Variants in TENM3 observed in about 807,000 individuals in gnomAD.
TENM3 encodes the protein teneurin transmembrane protein 3.
Under a neutral mutation model 255.1 loss-of-function variants are expected in TENM3, and 63 were observed. The observed-to-expected ratio is 0.25, with a 90% CI of 0.20 to 0.30. The LOEUF is 0.30. Among genes scored for constraint, TENM3 ranks in the 10% least tolerant of loss-of-function variants. The probability of loss-of-function intolerance (pLI) is 1.00; values close to 1 mark genes in which losing one functional copy is unlikely to be tolerated. For missense variants in TENM3, 2,929 were observed against 3,461.1 expected (o/e 0.85, Z 3.86); for synonymous variants, 1,306 against 1,322.3 (o/e 0.99, Z 0.27).
chr4:182,066,401 T>TAAATA, the TENM3 span, among the ~76,000 whole-genome samples: 1 of 152,060 alleles, frequency 6.6e-6, no homozygotes. Flanking sequence ...GATAATGATG[T>TAAATA]CAATAACAAC....
At chr4:181,939,503 C>T in the TENM3 span, among the ~76,000 whole-genome samples, 46 of 152,314 alleles carry the variant, frequency 3.0e-4, no homozygotes, top group Admixed American at 1.0e-3. Flanking sequence ...TACAGTCAGG[C>T]GTGCCTGTGA....
chr4:182,585,597 C>T (rs1225721312), intron 3 of TENM3, among the ~76,000 whole-genome samples: 1 of 152,160 alleles, frequency 6.6e-6, no homozygotes, highest in Non-Finnish European at 1.5e-5. Context: ...ACCAACCGAC[C>T]CTGCCAGACC....
intron 3 of TENM3, among the ~76,000 whole-genome samples, chr4:182,551,572 G>A (rs533460701): frequency 2.6e-4 from 39 of 151,930 alleles, no homozygotes; most frequent in African/African-American, 7.2e-4. Flanking sequence ...AATAATATAG[G>A]AATAAAATTA....
intron 3 of TENM3, among the ~76,000 whole-genome samples, chr4:182,524,840 C>A (rs138169009): frequency 4.4e-4 from 54 of 122,706 alleles, no homozygotes; most frequent in African/African-American, 5.2e-4. Flanking sequence ...TCTGTCTCTA[C>A]AAAAAAAAAA....
At chr4:182,024,711 T>A in the TENM3 span, among the ~76,000 whole-genome samples, 1 of 152,164 alleles carries the variant, frequency 6.6e-6, no homozygotes, top group African/African-American at 2.4e-5. Flanking sequence ...TTATACTCGT[T>A]ATTTTAAAAT....
the TENM3 span, among the ~76,000 whole-genome samples, chr4:181,580,970 T>C: frequency 6.6e-6 from 1 of 152,208 alleles, no homozygotes; most frequent in African/African-American, 2.4e-5. Context: ...AGGAGCCAAG[T>C]TGCCTTGTAT....
chr4:181,524,274 T>C, the TENM3 span, among the ~76,000 whole-genome samples: 1 of 152,228 alleles, frequency 6.6e-6, no homozygotes. Flanking sequence ...TAGAAAATAC[T>C]ACGTCAAATA....
intron 22 of TENM3, among the ~76,000 whole-genome samples, chr4:182,768,136 C>T (rs1358357379): frequency 6.6e-6 from 1 of 152,196 alleles, no homozygotes; most frequent in Non-Finnish European, 1.5e-5. Flanking sequence ...AGCCCACCTC[C>T]AGAGTTAGAA....
intron 1 of TENM3, among the ~76,000 whole-genome samples, chr4:182,193,338 T>C (rs1337407485): frequency 6.6e-6 from 1 of 152,220 alleles, no homozygotes; most frequent in East Asian, 1.9e-4. Flanking sequence ...TCTAGTAAAT[T>C]AAAGCTCGGA....
At chr4:181,459,813 C>T in the TENM3 span, among the ~76,000 whole-genome samples, 3 of 151,870 alleles carry the variant, frequency 2.0e-5, no homozygotes, top group East Asian at 1.9e-4. Context: ...CTTTGCATTG[C>T]TATATAAGTT....
Position 182,419,786 on chromosome 4 carries a change from C to T in TENM3, c.511+72857C>T, listed in dbSNP as rs991665746. 7.3e-5 allele frequency among the ~76,000 whole-genome samples: 11 copies of T among 151,026 alleles called. 1 individual carries two copies. Among genetic ancestry groups the T allele is most frequent in the African/African-American group, 2.4e-4 (10 of 41,000 alleles). ...ATCGCAAGGACAGAAAACCAAACACCGCATGTTCTCACTCATAGGTGGGAA... is the reference window on the plus strand; with the variant it reads ...ATCGCAAGGACAGAAAACCAAACACTGCATGTTCTCACTCATAGGTGGGAA... On this transcript the variant is annotated intron_variant, in intron 3 of 27. Coordinates refer to ENST00000511685, the MANE Select transcript of TENM3 (RefSeq NM_001080477.4).
At chr4:181,495,230 T>C in the TENM3 span, among the ~76,000 whole-genome samples, 1 of 152,100 alleles carries the variant, frequency 6.6e-6, no homozygotes, top group South Asian at 2.1e-4. Flanking sequence ...AAATGGAAAA[T>C]TCCAGGAGTA....
At chr4:181,937,870 C>T in the TENM3 span, among the ~76,000 whole-genome samples, 1 of 152,242 alleles carries the variant, frequency 6.6e-6, no homozygotes, top group African/African-American at 2.4e-5. Context: ...TGCCTCCATC[C>T]CCAGTGAAGA....
At chr4:181,904,327 C>A in the TENM3 span, among the ~76,000 whole-genome samples, 3 of 152,148 alleles carry the variant, frequency 2.0e-5, no homozygotes, top group East Asian at 5.8e-4. Context: ...CTTTTAGAAC[C>A]AAGCAGATCA....
chr4:182,096,958 G>A, the TENM3 span, among the ~76,000 whole-genome samples: 7 of 152,180 alleles, frequency 4.6e-5, no homozygotes, highest in Non-Finnish European at 1.5e-5. Flanking sequence ...GGAGTAAACT[G>A]TATTTTGAGG....
chr4:181,742,590 TGTG>T, the TENM3 span, among the ~76,000 whole-genome samples: 6 of 152,112 alleles, frequency 3.9e-5, no homozygotes, highest in Non-Finnish European at 5.9e-5. Flanking sequence ...TGTGTGTATG[TGTG>T]GTATGGTGAT....
the TENM3 span, among the ~76,000 whole-genome samples, chr4:181,803,962 GAAAGAA>G: frequency 7.4e-6 from 1 of 135,948 alleles, no homozygotes; most frequent in South Asian, 2.4e-4. Context: ...AAGAAAGAAA[GAAAGAA>G]AAAGAAAGGA....
the TENM3 span, among the ~76,000 whole-genome samples, chr4:181,977,918 A>G: frequency 6.6e-6 from 1 of 152,240 alleles, no homozygotes; most frequent in African/African-American, 2.4e-5. Context: ...TGAAAGTAAG[A>G]ACAATCAGTA....
At chr4:181,943,332 C>T in the TENM3 span, among the ~76,000 whole-genome samples, 1 of 152,004 alleles carries the variant, frequency 6.6e-6, no homozygotes, top group East Asian at 1.9e-4. Flanking sequence ...CTATTATTTC[C>T]AGCCTTTAGC....
Sources: allele counts gnomAD v4.1 joint callset (sites outside exome capture counted in the v4.1 genomes callset), GRCh38; gene constraint gnomAD v4.1.1; transcripts MANE v1.5; gene names NCBI Gene and HGNC (gene_info 2026-07-23, HGNC 2026-07-21).